SCAI: variants seen among roughly 807,000 people sequenced by gnomAD.
The protein encoded by SCAI is suppressor of cancer cell invasion.
Under a neutral mutation model 92.2 loss-of-function variants are expected in SCAI, and 24 were observed. The observed-to-expected ratio is 0.26, with a 90% CI of 0.19 to 0.37. The LOEUF (loss-of-function observed/expected upper bound fraction) is 0.37. SCAI is among the 10% of genes least tolerant of loss of function. SCAI has a pLI of 1.00. For missense variants in SCAI, 450 were observed against 736.2 expected, an observed-to-expected ratio of 0.61 and a Z score of 4.50; for synonymous variants, 261 against 258.6, an observed-to-expected ratio of 1.01 and a Z score of -0.09.
chr9:125,097,969 A>T (rs555407779), intron 2 of SCAI, among the ~76,000 whole-genome samples: 1 of 151,796 alleles, frequency 6.6e-6, no homozygotes, highest in South Asian at 2.1e-4. Flanking sequence ...TCTTATATGT[A>T]TATAAATTCT....
At chr9:125,143,243 C>T in intron 1 of SCAI, 142 bp downstream of exon 1, 1 of 477,564 alleles carries the variant, frequency 2.1e-6, no homozygotes, top group South Asian at 8.7e-5. Context: ...CCTGCAGGCG[C>T]CCCCAAGGTC....
chr9:125,121,375 C>G (rs1033541380), intron 2 of SCAI, among the ~76,000 whole-genome samples: 1 of 150,882 alleles, frequency 6.6e-6, no homozygotes, highest in Non-Finnish European at 1.5e-5. Flanking sequence ...TGACTAGAAA[C>G]CTGCCAAAGC....
At chr9:124,957,286 C>T (rs924468974) in intron 17 of SCAI, among the ~76,000 whole-genome samples, 3 of 152,080 alleles carry the variant, frequency 2.0e-5, no homozygotes, top group African/African-American at 7.2e-5. Flanking sequence ...AGCCAGCATA[C>T]CCAGCCACAA....
At chr9:124,992,865 T>C (rs778950538) in intron 14 of SCAI, among the ~76,000 whole-genome samples, 1 of 152,182 alleles carries the variant, frequency 6.6e-6, no homozygotes, top group Non-Finnish European at 1.5e-5. Flanking sequence ...CTTGAGCAAA[T>C]ACATTTCCAA....
Position 125,028,448 on chromosome 9 carries a change from C to T in SCAI, c.357G>A (p.Lys119=). Residue 119 remains lysine (K), a synonymous_variant, in exon 5 of 18, where the codon AAG becomes AAA. Coordinates refer to ENST00000336505, the MANE Select transcript of SCAI (RefSeq NM_001144877.3). ...RQVLDNRYGL[K]RWQIGEIASK... ...AAGCAATTTCTCCTATTTGCCAGCG[C>T]TTCAAGCCATACCGATTATCCAAGA... The T allele has an allele frequency of 3.1e-6, 5 of 1,601,304 alleles. No homozygotes were observed. Among genetic ancestry groups the T allele is most frequent in the Non-Finnish European group, 3.4e-6 (4 of 1,174,902 alleles).
At chr9:125,131,659 G>T (rs1191505215) in intron 2 of SCAI, among the ~76,000 whole-genome samples, 1 of 152,006 alleles carries the variant, frequency 6.6e-6, no homozygotes, top group Non-Finnish European at 1.5e-5. Flanking sequence ...ATGCTATCTT[G>T]GCCCTGCAGA....
At chr9:125,024,123 C>G (rs1832920843) in intron 6 of SCAI, among the ~76,000 whole-genome samples, 1 of 152,014 alleles carries the variant, frequency 6.6e-6, no homozygotes, top group Admixed American at 6.6e-5. Context: ...TTGTAATAAT[C>G]ATAATTTTAT....
chr9:125,075,071 T>C (rs368720031), intron 2 of SCAI, among the ~76,000 whole-genome samples: 3 of 152,008 alleles, frequency 2.0e-5, no homozygotes, highest in African/African-American at 7.3e-5. Context: ...ACAAGATGCA[T>C]GGAATGACTA....
At chr9:124,990,913 A>C (rs1327724378) in intron 14 of SCAI, among the ~76,000 whole-genome samples, 1 of 152,176 alleles carries the variant, frequency 6.6e-6, no homozygotes, top group Non-Finnish European at 1.5e-5. Flanking sequence ...ACTGTAGCTG[A>C]GACCCACCCC....
At chr9:125,093,223 T>C (rs1207285002) in intron 2 of SCAI, among the ~76,000 whole-genome samples, 1 of 152,174 alleles carries the variant, frequency 6.6e-6, no homozygotes, top group East Asian at 1.9e-4. Context: ...TAGCTGGGCA[T>C]GGTGGTGCAC....
chr9:124,979,778 G>A (rs1023991813), intron 14 of SCAI, among the ~76,000 whole-genome samples: 4 of 151,836 alleles, frequency 2.6e-5, no homozygotes, highest in East Asian at 3.9e-4. Context: ...GGCTGGGCGC[G>A]GTGGCTCACG....
intron 2 of SCAI, among the ~76,000 whole-genome samples, chr9:125,056,248 C>G (rs1833662951): frequency 6.6e-6 from 1 of 152,052 alleles, no homozygotes; most frequent in Admixed American, 6.6e-5. Context: ...GATGGATCAC[C>G]TGAGGTCAGG....
At chr9:124,975,137 G>A (rs1443055549) in intron 15 of SCAI, 1 of 312,600 alleles carries the variant, frequency 3.2e-6, no homozygotes, top group East Asian at 8.4e-5. Flanking sequence ...TTCAAAGCAG[G>A]AGAATTTTAC....
intron 2 of SCAI, among the ~76,000 whole-genome samples, chr9:125,134,810 G>C (rs544948144): frequency 1.3e-5 from 2 of 152,202 alleles, no homozygotes; most frequent in Non-Finnish European, 2.9e-5. Flanking sequence ...CTGAGTAGCT[G>C]GGATTACAGG....
At chr9:124,956,873 T>C (rs1413916155) in intron 17 of SCAI, among the ~76,000 whole-genome samples, 2 of 152,180 alleles carry the variant, frequency 1.3e-5, no homozygotes, top group Non-Finnish European at 2.9e-5. Context: ...AGTAAAGCTG[T>C]TTTTTGTTTA....
chr9:125,037,898 G>C (rs550856650), intron 3 of SCAI, among the ~76,000 whole-genome samples: 1 of 151,752 alleles, frequency 6.6e-6, no homozygotes, highest in Non-Finnish European at 1.5e-5. Flanking sequence ...CCTGGGCGAC[G>C]AGAGTGAAAC....
At chr9:125,136,456 C>CTTTTTTTTTTT (rs1167871254) in intron 2 of SCAI, among the ~76,000 whole-genome samples, 4 of 95,216 alleles carry the variant, frequency 4.2e-5, no homozygotes, top group Admixed American at 1.4e-4. Flanking sequence ...TAATACCTTT[C>CTTTTTTTTTTT]TTTTTTTTTT....
At chr9:125,074,217 C>T (rs1834039477) in intron 2 of SCAI, among the ~76,000 whole-genome samples, 1 of 148,316 alleles carries the variant, frequency 6.7e-6, no homozygotes, top group South Asian at 2.2e-4. Context: ...CAAGATTGCA[C>T]CACTGCACTC....
chr9:125,069,203 G>A (rs544727887), intron 2 of SCAI, among the ~76,000 whole-genome samples: 1 of 151,984 alleles, frequency 6.6e-6, no homozygotes, highest in Admixed American at 6.6e-5. Context: ...GGGAGACAGA[G>A]TGAGACTCCA....
Sources: allele counts gnomAD v4.1 joint callset (sites outside exome capture counted in the v4.1 genomes callset), GRCh38; gene constraint gnomAD v4.1.1; transcripts MANE v1.5; gene names NCBI Gene and HGNC (gene_info 2026-07-23, HGNC 2026-07-21).